Variants in CALN1 observed in about 807,000 individuals in gnomAD.
The protein encoded by CALN1 is calneuron 1.
A neutral mutation model predicts 30.6 loss-of-function variants in CALN1; 17 were observed. The observed-to-expected ratio is 0.56, with a 90% CI of 0.38 to 0.83. The LOEUF is 0.83. Ranked by LOEUF, CALN1 falls within the 40% of genes least tolerant of loss-of-function variation. The pLI is 0.00. For synonymous variants in CALN1, 156 were observed against 131.4 expected (o/e 1.19, Z -1.28); for missense variants, 291 against 354.9 (o/e 0.82, Z 1.45).
chr7:72,462,182 T>TATGTATGTATGTATGTATG, the CALN1 span, among the ~76,000 whole-genome samples: 1,596 of 148,784 alleles, frequency 0.011, 31 homozygotes, highest in African/African-American at 0.038. Flanking sequence ...ATGTATGTAT[T>TATGTATGTATGTATGTATG]TATTTATTTA....
intron 3 of CALN1, among the ~76,000 whole-genome samples, chr7:72,164,105 C>T (rs1236782557): frequency 1.3e-5 from 2 of 152,128 alleles, no homozygotes; most frequent in African/African-American, 2.4e-5. Flanking sequence ...CAGTGGCTCA[C>T]GCCTGTAATC....
intron 3 of CALN1, among the ~76,000 whole-genome samples, chr7:72,146,854 A>G (rs1027468887): frequency 6.6e-6 from 1 of 152,236 alleles, no homozygotes; most frequent in Non-Finnish European, 1.5e-5. Context: ...CCTGACAAAA[A>G]CAAGAAACGG....
intron 2 of CALN1, among the ~76,000 whole-genome samples, chr7:72,297,523 C>T (rs914561321): frequency 3.9e-5 from 6 of 152,156 alleles, no homozygotes; most frequent in Admixed American, 2.6e-4. Flanking sequence ...AATAACTTTG[C>T]ACTCAAGATA....
intron 5 of CALN1, among the ~76,000 whole-genome samples, chr7:71,866,421 A>G (rs1791591618): frequency 6.6e-6 from 1 of 152,134 alleles, no homozygotes; most frequent in African/African-American, 2.4e-5. Flanking sequence ...TTATATATGT[A>G]ATAGATCTTA....
At chr7:72,492,918 G>A in the CALN1 span, among the ~76,000 whole-genome samples, 2 of 152,188 alleles carry the variant, frequency 1.3e-5, no homozygotes, top group African/African-American at 4.8e-5. Flanking sequence ...CATTTGCAGA[G>A]ACTAAATCAC....
intron 1 of CALN1, 95 bp from the exon 2 acceptor site, chr7:72,403,537 G>A (rs184055021): frequency 3.6e-5 from 19 of 534,622 alleles, no homozygotes; most frequent in African/African-American, 2.3e-4. Flanking sequence ...CCTCCCTTCC[G>A]TGTTTACACA....
At chr7:72,240,562 A>C (rs1794761654) in intron 3 of CALN1, among the ~76,000 whole-genome samples, 1 of 152,232 alleles carries the variant, frequency 6.6e-6, no homozygotes, top group East Asian at 1.9e-4. Context: ...CTGCATGTTC[A>C]TACAAACATT....
chr7:72,267,387 C>T (rs1470821754), intron 3 of CALN1, among the ~76,000 whole-genome samples: 2 of 152,216 alleles, frequency 1.3e-5, no homozygotes, highest in Admixed American at 1.3e-4. Context: ...GGCTGCAGGG[C>T]ACCTCTCCTC....
chr7:72,426,736 T>C (rs1807809894), intron 1 of CALN1, among the ~76,000 whole-genome samples: 1 of 152,352 alleles, frequency 6.6e-6, no homozygotes, highest in African/African-American at 2.4e-5. Flanking sequence ...TTTATCCCCC[T>C]GAGGAGTGGT....
chr7:72,399,270 C>CTTTTTT (rs5884888), intron 2 of CALN1, among the ~76,000 whole-genome samples: 20 of 106,792 alleles, frequency 1.9e-4, no homozygotes, highest in African/African-American at 3.4e-4. Context: ...TAACCTATTG[C>CTTTTTT]TTTTTTTTTT....
intron 5 of CALN1, among the ~76,000 whole-genome samples, chr7:71,953,233 C>T (rs908136848): frequency 6.6e-6 from 1 of 152,116 alleles, no homozygotes; most frequent in Non-Finnish European, 1.5e-5. Flanking sequence ...GCTGGGACTA[C>T]GGGCATGAGC....
In CALN1 at chr7:71,847,201, G is replaced by C. The variant is rs116893594; in HGVS notation, c.502-36709C>G. 8.0e-3 allele frequency among the ~76,000 whole-genome samples: 1,222 copies of C among 152,066 alleles called. 10 individuals carry two copies. Among genetic ancestry groups the C allele is most frequent in the Non-Finnish European group, 0.014 (932 of 68,008 alleles). ...GCCTGAAGGCAGGTGATATGGTTTA[G>C]CTGTGTCCCCCACTCAAATCTCATC... On this transcript the variant is annotated intron_variant, in intron 5 of 6. Coordinates refer to ENST00000395275, the MANE Select transcript of CALN1 (RefSeq NM_031468.4).
At chr7:71,998,306 G>A (rs1799352321) in intron 5 of CALN1, among the ~76,000 whole-genome samples, 1 of 152,104 alleles carries the variant, frequency 6.6e-6, no homozygotes, top group African/African-American at 2.4e-5. Context: ...GCATCAAGGA[G>A]GAGGAAGAAA....
At chr7:72,092,207 T>C (rs995769223) in intron 4 of CALN1, among the ~76,000 whole-genome samples, 18 of 152,202 alleles carry the variant, frequency 1.2e-4, no homozygotes, top group African/African-American at 4.3e-4. Flanking sequence ...GAAAGGTTTT[T>C]GGTTTTTAAT....
chr7:72,275,515 C>T (rs774978397), intron 3 of CALN1, among the ~76,000 whole-genome samples: 1 of 152,144 alleles, frequency 6.6e-6, no homozygotes, highest in East Asian at 1.9e-4. Context: ...ACTCAGTGTT[C>T]GCCTTGGCAA....
At chr7:72,106,847 A>AAGGAAG (rs1458451027) in intron 3 of CALN1, among the ~76,000 whole-genome samples, 1 of 58,554 alleles carries the variant, frequency 1.7e-5, no homozygotes, top group Non-Finnish European at 3.9e-5. Flanking sequence ...GGAGGGGAGG[A>AAGGAAG]GGAGGGAAGG....
intron 3 of CALN1, among the ~76,000 whole-genome samples, chr7:72,229,190 C>A (rs1187520536): frequency 6.6e-6 from 1 of 152,046 alleles, no homozygotes; most frequent in African/African-American, 2.4e-5. Context: ...TGACCATGTC[C>A]TGGTCCCCAG....
intron 3 of CALN1, among the ~76,000 whole-genome samples, chr7:72,218,200 G>C (rs1389478184): frequency 2.0e-5 from 3 of 151,720 alleles, no homozygotes; most frequent in Admixed American, 1.3e-4. Flanking sequence ...TGCAATGCCA[G>C]CACTTTGAGA....
At chr7:72,248,207 C>G in intron 3 of CALN1, among the ~76,000 whole-genome samples, 1 of 152,256 alleles carries the variant, frequency 6.6e-6, no homozygotes, top group East Asian at 1.9e-4. Flanking sequence ...TTCCACCTCA[C>G]AGGTTCAAGC....
Sources: allele counts gnomAD v4.1 joint callset (sites outside exome capture counted in the v4.1 genomes callset), GRCh38; gene constraint gnomAD v4.1.1; transcripts MANE v1.5; gene names NCBI Gene and HGNC (gene_info 2026-07-23, HGNC 2026-07-21).